USP47: variants seen among roughly 807,000 people sequenced by gnomAD.
USP47 encodes the protein ubiquitin specific peptidase 47.
Under a neutral mutation model 165.1 loss-of-function variants are expected in USP47, and 35 were observed. The observed-to-expected ratio is 0.21, with a 90% CI of 0.16 to 0.28. The LOEUF (loss-of-function observed/expected upper bound fraction) is 0.28, where lower values mean the gene tolerates loss of function less well. USP47 is among the 10% of genes least tolerant of loss of function. The pLI is 1.00. For missense variants in USP47, 1,277 were observed against 1,607.4 expected (o/e 0.79, Z 3.52); for synonymous variants, 531 against 544.5 (o/e 0.98, Z 0.35).
At chr11:11,945,115 G>C (rs1204143765) in intron 20 of USP47, among the ~76,000 whole-genome samples, 2 of 152,126 alleles carry the variant, frequency 1.3e-5, no homozygotes, top group Non-Finnish European at 2.9e-5. Flanking sequence ...GCTTTTAGAA[G>C]CCATAGAAAA....
chr11:11,900,879 G>A (rs556575428), intron 5 of USP47, among the ~76,000 whole-genome samples: 19 of 152,306 alleles, frequency 1.2e-4, no homozygotes, highest in African/African-American at 4.6e-4. Context: ...CTCCCTATTA[G>A]TGAATTTACC....
chr11:11,949,675 T>A (rs1427414297), intron 22 of USP47, among the ~76,000 whole-genome samples: 1 of 152,142 alleles, frequency 6.6e-6, no homozygotes, highest in Non-Finnish European at 1.5e-5. Flanking sequence ...TGTTCCCAGT[T>A]TACAGAACTG....
At position 11,887,256 on chromosome 11, in the gene USP47, G is replaced by A. The variant is rs114885732; in HGVS notation, c.357+2676G>A. Among the ~76,000 whole-genome samples the A allele has an allele frequency of 5.7e-3, 872 of 152,200 alleles. 10 individuals are homozygous for A. Among genetic ancestry groups the A allele is most frequent in the African/African-American group, 0.02 (832 of 41,532 alleles). ...CTAACCTTAAATGTAAATGGGCTAA[G>A]TGCCTTAATTAAAAGGCACAGAATG... On this transcript the variant is annotated intron_variant, in intron 3 of 27. Transcript: ENST00000527733.
At chr11:11,878,730 G>A (rs1007048138) in intron 1 of USP47, 1 of 151,822 alleles carries the variant, frequency 6.6e-6, no homozygotes, top group Non-Finnish European at 1.5e-5. Flanking sequence ...TACTTTTATA[G>A]CAACTTACTT....
chr11:11,941,031 G>T (rs779942380), intron 19 of USP47, among the ~76,000 whole-genome samples: 6 of 151,768 alleles, frequency 4.0e-5, no homozygotes, highest in Non-Finnish European at 7.4e-5. Flanking sequence ...ATTTTTCTCT[G>T]TTGGAAATGA....
At chr11:11,856,693 T>A (rs1001092449) in intron 1 of USP47, 4 of 152,228 alleles carry the variant, frequency 2.6e-5, no homozygotes, top group African/African-American at 4.8e-5. Context: ...AGTGAGAAGT[T>A]CAGCATACAT....
intron 11 of USP47, among the ~76,000 whole-genome samples, chr11:11,926,034 A>G (rs1854217234): frequency 6.6e-6 from 1 of 152,136 alleles, no homozygotes; most frequent in Non-Finnish European, 1.5e-5. Flanking sequence ...GTAGTGTATT[A>G]CATTGATCAC....
At chr11:11,950,316 T>C in intron 23 of USP47, 48 bp from the exon 24 acceptor site, 1 of 1,304,294 alleles carries the variant, frequency 7.7e-7, no homozygotes, top group Non-Finnish European at 1.1e-6. Context: ...ATCTTTAAAT[T>C]GAGAGTTTCA....
chr11:11,860,525 G>T (rs988898348), intron 1 of USP47, among the ~76,000 whole-genome samples: 1 of 152,140 alleles, frequency 6.6e-6, no homozygotes, highest in Non-Finnish European at 1.5e-5. Context: ...AGTATTAAAA[G>T]AATGTAATAT....
At chr11:11,874,654 G>A (rs1029670568) in intron 1 of USP47, among the ~76,000 whole-genome samples, 7 of 151,752 alleles carry the variant, frequency 4.6e-5, no homozygotes, top group Admixed American at 2.6e-4. Context: ...CTGCCTCCTG[G>A]GTTCAAGCAA....
chr11:11,945,317 A>C (rs2134815958), intron 20 of USP47, among the ~76,000 whole-genome samples: 1 of 152,316 alleles, frequency 6.6e-6, no homozygotes, highest in Non-Finnish European at 1.5e-5. Context: ...GATGAGTAGT[A>C]ATACACATTC....
rs1213650887 is a variant in USP47 at position 11,957,871 on chromosome 11, A to G, written c.*1696A>G. On this transcript the variant is annotated 3_prime_UTR_variant, in exon 28 of 28. Coordinates refer to ENST00000527733, the MANE Select transcript of USP47 (RefSeq NM_001282659.2). ...TGAAAAAAAAAATCTTTTCTAAGGT[A>G]TTTTTCTGGCTAATTTTTATTTGAA... is the stretch of plus-strand genomic sequence containing the variant. The G allele has an allele frequency of 6.6e-6, 1 of 151,980 alleles. No homozygotes were observed. Among genetic ancestry groups the G allele is most frequent in the Non-Finnish European group, 1.5e-5 (1 of 68,004 alleles). The allele number at this position is 151,980 out of a possible 1,614,324, so 9.4% of individuals were successfully genotyped here.
intron 3 of USP47, among the ~76,000 whole-genome samples, chr11:11,890,248 A>G (rs1046683240): frequency 6.6e-6 from 1 of 152,240 alleles, no homozygotes; most frequent in African/African-American, 2.4e-5. Context: ...AGAAACTATC[A>G]TCAGAATGAC....
chr11:11,859,341 C>T (rs920567106), intron 1 of USP47, among the ~76,000 whole-genome samples: 3 of 152,096 alleles, frequency 2.0e-5, no homozygotes, highest in African/African-American at 4.8e-5. Context: ...AAGGGATTTA[C>T]GTATTGACTG....
chr11:11,886,796 C>T (rs753023935), intron 3 of USP47, among the ~76,000 whole-genome samples: 1 of 152,024 alleles, frequency 6.6e-6, no homozygotes, highest in African/African-American at 2.4e-5. Context: ...AATCGTCAGA[C>T]TCTCCAAGGT....
rs1177969269 is a variant in USP47 at position 11,933,892 on chromosome 11, A to G, written c.1826A>G (p.His609Arg). ...QVMMENKLEVHKDKTLKEAVE... is the reference protein window; with the variant it reads ...QVMMENKLEVRKDKTLKEAVE... ...ATGATGGAAAATAAATTGGAGGTTC[A>G]TAAGGATAAGACATTAAAGGAAGCA... Residue 609 changes from histidine (H) to arginine (R), a missense_variant, in exon 16 of 28, where the codon CAT (histidine) becomes CGT (arginine). Physicochemically the swap from His to Arg is conservative, Grantham distance 29. This residue lies in a region of USP47 where 909 missense variants were observed against 1,068.1 expected (regional missense o/e 0.85). Coordinates refer to ENST00000527733, the MANE Select transcript of USP47 (RefSeq NM_001282659.2). The G allele has an allele frequency of 1.2e-6, 2 of 1,610,080 alleles. No individual in the cohort carries two copies. Among genetic ancestry groups the G allele is most frequent in the Non-Finnish European group, 1.7e-6 (2 of 1,177,352 alleles).
chr11:11,903,058 C>T (rs1852328468), intron 6 of USP47, among the ~76,000 whole-genome samples, 198 bp downstream of exon 6: 1 of 152,064 alleles, frequency 6.6e-6, no homozygotes, highest in Non-Finnish European at 1.5e-5. Context: ...CACCATAAAG[C>T]ATATATTATT....
intron 1 of USP47, among the ~76,000 whole-genome samples, chr11:11,861,836 C>G (rs1257411317): frequency 6.6e-6 from 1 of 152,056 alleles, no homozygotes; most frequent in Admixed American, 6.5e-5. Flanking sequence ...AATTTAGAAA[C>G]AAATGTGATA....
At chr11:11,857,564 C>G (rs983341636) in intron 1 of USP47, among the ~76,000 whole-genome samples, 1 of 152,094 alleles carries the variant, frequency 6.6e-6, no homozygotes, top group Non-Finnish European at 1.5e-5. Context: ...GATTTTAACA[C>G]TGGAAGGGAG....
Sources: gnomAD v4.1 joint callset for allele counts (sites outside exome capture counted in the v4.1 genomes callset) on GRCh38, gnomAD v4.1.1 for gene constraint, gnomAD v4.1.1 regional missense constraint, MANE v1.5 for transcripts, NCBI Gene and HGNC (gene_info 2026-07-23, HGNC 2026-07-21) for gene names.